Variants in ODAD2 observed in about 807,000 individuals in gnomAD.
ODAD2 encodes the protein outer dynein arm-docking complex subunit 2.
ODAD2 carries 89 observed loss-of-function variants against 106.8 expected under a neutral mutation model. That is an observed-to-expected ratio of 0.83 (90% CI 0.70 to 0.99). The LOEUF is 0.99. Ranked by LOEUF, ODAD2 falls within the 50% of genes least tolerant of loss-of-function variation. ODAD2 has a pLI of 0.00. For synonymous variants in ODAD2, 404 were observed against 436.2 expected, an observed-to-expected ratio of 0.93 and a Z score of 0.92; for missense variants, 1,168 against 1,238.5, an observed-to-expected ratio of 0.94 and a Z score of 0.85.
intron 2 of ODAD2, among the ~76,000 whole-genome samples, chr10:27,990,961 G>GA (rs1044929094): frequency 2.6e-5 from 4 of 151,894 alleles, no homozygotes; most frequent in African/African-American, 9.6e-5. Context: ...ACCAGAGAAG[G>GA]AAAAAAAATC....
Position 27,944,235 on chromosome 10 carries a change from C to A in ODAD2, c.1730G>T (p.Gly577Val), listed in dbSNP as rs763869311. The A allele has an allele frequency of 1.3e-5, 21 of 1,611,962 alleles. No homozygotes were observed. The highest frequency in any genetic ancestry group is 2.2e-5 in the South Asian group (2 of 90,864). ...RARRVVRQHG[G>V]ITKLVALLDC... is the part of the protein sequence containing the mutation. ...ACGGCTACTCACCAGTTTGGTGATA[C>A]CCCCGTGCTGCCTCACCACCCGCCG... The change falls in exon 12 of 20, where the codon GGT (glycine) becomes GTT (valine). Residue 577 changes from glycine to valine, a missense_variant. Gly to Val is a moderately radical substitution (Grantham distance 109). Transcript: ENST00000305242.
chr10:27,837,401 C>T (rs561784873), intron 19 of ODAD2, among the ~76,000 whole-genome samples: 48 of 152,296 alleles, frequency 3.2e-4, no homozygotes, highest in Middle Eastern at 3.4e-3. Flanking sequence ...CAAGTCATTT[C>T]CTAGGCAAGT....
At chr10:27,881,693 A>T (rs1841720484) in intron 17 of ODAD2, among the ~76,000 whole-genome samples, 1 of 152,166 alleles carries the variant, frequency 6.6e-6, no homozygotes, top group Non-Finnish European at 1.5e-5. Context: ...ATTATTAGAT[A>T]ATAATTCTAT....
chr10:27,974,548 C>A (rs1169383515), intron 7 of ODAD2, among the ~76,000 whole-genome samples: 1 of 152,048 alleles, frequency 6.6e-6, no homozygotes, highest in Non-Finnish European at 1.5e-5. Context: ...AGGTGTGCAG[C>A]CTTGTTTCTG....
intron 9 of ODAD2, among the ~76,000 whole-genome samples, chr10:27,967,627 A>T (rs1351161883): frequency 6.6e-6 from 1 of 152,070 alleles, no homozygotes; most frequent in Non-Finnish European, 1.5e-5. Flanking sequence ...GCAGTGGCTC[A>T]CATCTGTAAT....
At chr10:27,906,193 G>A (rs1843573860) in intron 17 of ODAD2, among the ~76,000 whole-genome samples, 1 of 152,096 alleles carries the variant, frequency 6.6e-6, no homozygotes, top group Non-Finnish European at 1.5e-5. Flanking sequence ...ATCAAAAAGT[G>A]GGCAAAAGAT....
At chr10:27,994,724 A>G (rs1275077918) in intron 2 of ODAD2, among the ~76,000 whole-genome samples, 195 bp downstream of exon 2, 1 of 152,206 alleles carries the variant, frequency 6.6e-6, no homozygotes, top group African/African-American at 2.4e-5. Context: ...TGAAAAATTT[A>G]AAACTTAGAA....
chr10:27,816,388 C>A (rs902195387), intron 19 of ODAD2, among the ~76,000 whole-genome samples: 3 of 152,124 alleles, frequency 2.0e-5, no homozygotes, highest in Non-Finnish European at 4.4e-5. Context: ...GGGGCTCATG[C>A]CTTGGGAGTT....
chr10:27,936,065 C>T (rs1201651777), intron 15 of ODAD2, among the ~76,000 whole-genome samples: 2 of 152,084 alleles, frequency 1.3e-5, no homozygotes, highest in African/African-American at 4.8e-5. Context: ...GACTTCACTA[C>T]GCCTTATTAA....
At chr10:27,870,441 G>A (rs1840778198) in intron 17 of ODAD2, among the ~76,000 whole-genome samples, 1 of 151,888 alleles carries the variant, frequency 6.6e-6, no homozygotes, top group Non-Finnish European at 1.5e-5. Context: ...TGCCATGTTG[G>A]TGTGCTGCAC....
chr10:27,979,387 GT>G (rs1460561202), intron 7 of ODAD2, among the ~76,000 whole-genome samples: 5 of 150,036 alleles, frequency 3.3e-5, no homozygotes, highest in African/African-American at 7.4e-5. Flanking sequence ...AAAACTATTT[GT>G]ATGCAGATGG....
At chr10:27,992,271 G>T (rs1850280158) in intron 2 of ODAD2, among the ~76,000 whole-genome samples, 2 of 152,128 alleles carry the variant, frequency 1.3e-5, no homozygotes, top group African/African-American at 4.8e-5. Flanking sequence ...GACACAAAAA[G>T]AATGGATTGA....
In ODAD2 at chr10:27,888,256, T is replaced by C. The variant is rs565151772; in HGVS notation, c.2610+19407A>G. Among the ~76,000 whole-genome samples, 11 of 152,260 alleles carry C rather than the reference T, an allele frequency of 7.2e-5. No homozygotes were observed. In the East Asian group the frequency reaches 2.1e-3, roughly 29 times the overall value. ...TCTCCATACAGTTTTCTATAGAAGTTACACTAATTTACATTCCCACCAACA... is the reference window on the plus strand; with the variant it reads ...TCTCCATACAGTTTTCTATAGAAGTCACACTAATTTACATTCCCACCAACA... On this transcript the variant is annotated intron_variant, in intron 17 of 19. Transcript: ENST00000305242.
chr10:27,992,069 CA>C (rs1850268405), intron 2 of ODAD2, among the ~76,000 whole-genome samples: 1 of 152,084 alleles, frequency 6.6e-6, no homozygotes, highest in South Asian at 2.1e-4. Flanking sequence ...GGGAGTAGAC[CA>C]AGGGGCACGG....
rs772704772 is a variant in ODAD2, at chr10:27,984,317, T to A, written c.576-27A>T. The A allele has an allele frequency of 3.5e-6, 5 of 1,420,766 alleles. No individual in the cohort carries two copies. The South Asian group carries it at 5.8e-5, about 16-fold the overall frequency. The allele number at this position is 1,420,766 out of a possible 1,614,324, so 88.0% of individuals were successfully genotyped here. On this transcript the variant is annotated intron_variant, in intron 4 of 19. Transcript: ENST00000305242. The stretch of plus-strand genomic sequence containing the variant: ...TGAAATAAATGTTTAAAATGTCAGC[T>A]TAAATACTTTAAACAGAATCTAGGA...
intron 2 of ODAD2, among the ~76,000 whole-genome samples, chr10:27,990,439 G>A (rs1850154089): frequency 6.6e-6 from 1 of 152,208 alleles, no homozygotes; most frequent in Non-Finnish European, 1.5e-5. Flanking sequence ...ACCTTCCAAA[G>A]TGCTGGGATT....
Position 27,856,183 on chromosome 10 carries a change from C to T in ODAD2, c.3021+4442G>A, listed in dbSNP as rs541021251. ...TTCACAAATTTGTAATGATACAAAT[C>T]CCTGGGCTGATACATTTGAAAAGGA... On this transcript the variant is annotated intron_variant, in intron 19 of 19. Transcript: ENST00000305242. 2.0e-5 allele frequency among the ~76,000 whole-genome samples: 3 copies of T among 152,226 alleles called. No homozygotes were observed. The South Asian group carries it at 6.2e-4, about 32-fold the overall frequency.
chr10:27,852,977 A>G (rs1435453192), intron 19 of ODAD2, among the ~76,000 whole-genome samples: 2 of 151,748 alleles, frequency 1.3e-5, no homozygotes, highest in South Asian at 2.1e-4. Flanking sequence ...AAAAAAAAAA[A>G]AAAGAAAAGC....
At chr10:27,826,627 T>C (rs555330302) in intron 19 of ODAD2, among the ~76,000 whole-genome samples, 3 of 152,080 alleles carry the variant, frequency 2.0e-5, no homozygotes, top group Non-Finnish European at 4.4e-5. Context: ...CCATCTGTCA[T>C]GTGGAAGAGG....
Sources: allele counts gnomAD v4.1 joint callset (sites outside exome capture counted in the v4.1 genomes callset), GRCh38; gene constraint gnomAD v4.1.1; transcripts MANE v1.5; gene names NCBI Gene and HGNC (gene_info 2026-07-23, HGNC 2026-07-21).